Variants in TENM2 observed in about 807,000 individuals in gnomAD.
TENM2 encodes teneurin-2.
In TENM2, 52 loss-of-function variants were observed where a neutral mutation model predicts 245.2. The observed-to-expected ratio is 0.21, with a 90% confidence interval of 0.17 to 0.27. TENM2 has a LOEUF of 0.27. Among genes scored for constraint, TENM2 ranks in the 10% least tolerant of loss-of-function variants. The probability of loss-of-function intolerance (pLI) is 1.00; values close to 1 mark genes in which losing one functional copy is unlikely to be tolerated. For missense variants in TENM2, 3,046 were observed against 3,666.8 expected (o/e 0.83, Z 4.37); for synonymous variants, 1,363 against 1,438.9 (o/e 0.95, Z 1.19).
chr5:167,475,595 C>T (rs1767319957), intron 2 of TENM2, among the ~76,000 whole-genome samples: 1 of 152,060 alleles, frequency 6.6e-6, no homozygotes, highest in Non-Finnish European at 1.5e-5. Context: ...ATCATCTAGG[C>T]TTTAAGCCCC....
At chr5:167,360,128 T>C (rs978509285) in intron 1 of TENM2, among the ~76,000 whole-genome samples, 1 of 152,170 alleles carries the variant, frequency 6.6e-6, no homozygotes, top group Non-Finnish European at 1.5e-5. Context: ...GATACAAGTT[T>C]ACTCAAACAA....
At chr5:168,110,683 A>G (rs977096143) in intron 9 of TENM2, among the ~76,000 whole-genome samples, 1 of 152,208 alleles carries the variant, frequency 6.6e-6, no homozygotes, top group Non-Finnish European at 1.5e-5. Flanking sequence ...TCCAATTACA[A>G]CAAAAGCGTA....
At chr5:168,190,659 C>A (rs533212786) in intron 14 of TENM2, 112 bp downstream of exon 16, 6 of 891,034 alleles carry the variant, frequency 6.7e-6, no homozygotes, top group Admixed American at 2.4e-5. Context: ...AATCTGCCCC[C>A]CTAGAGGCAG....
chr5:167,151,768 C>T, the TENM2 span, among the ~76,000 whole-genome samples: 2 of 152,176 alleles, frequency 1.3e-5, no homozygotes, highest in African/African-American at 2.4e-5. Flanking sequence ...CCACCCGCCT[C>T]GGCCTCCCAA....
rs144198300 is a variant in TENM2, at chr5:167,764,882, C to T, written c.503-111104C>T. Among the ~76,000 whole-genome samples, 23 of 152,244 alleles carry T rather than the reference C, an allele frequency of 1.5e-4. 1 individual carries two copies. In the East Asian group the frequency reaches 2.7e-3, roughly 18 times the overall value. ...CTATGCTGATGAACTGCTCAGCTAC[C>T]TGAGCAAATGTTCCAGAGAGATCTC... On this transcript the variant is annotated intron_variant, in intron 2 of 28. Transcript: ENST00000518659.
intron 5 of TENM2, among the ~76,000 whole-genome samples, chr5:168,004,509 GCGCGCGCGCACACACACA>G (rs1362725918): frequency 0.017 from 1,889 of 113,386 alleles, 42 homozygotes; most frequent in African/African-American, 0.062. Flanking sequence ...GCACGCATGC[GCGCGCGCGCACACACACA>G]CACACACACA....
chr5:167,106,642 G>A, the TENM2 span, among the ~76,000 whole-genome samples: 2 of 152,188 alleles, frequency 1.3e-5, no homozygotes, highest in Non-Finnish European at 2.9e-5. Flanking sequence ...TGGTGGTGGT[G>A]TGAAATGCAC....
chr5:167,572,746 T>G (rs1233324956), intron 2 of TENM2, among the ~76,000 whole-genome samples: 1 of 152,186 alleles, frequency 6.6e-6, no homozygotes, highest in Non-Finnish European at 1.5e-5. Flanking sequence ...GGGAAATCAT[T>G]TCTTTTCGAC....
intron 2 of TENM2, among the ~76,000 whole-genome samples, chr5:167,576,858 A>C (rs1333114064): frequency 6.6e-6 from 1 of 152,212 alleles, no homozygotes; most frequent in East Asian, 1.9e-4. Context: ...AAAACAATCG[A>C]AAACCTACAT....
intron 1 of TENM2, among the ~76,000 whole-genome samples, chr5:167,292,418 C>CCACAT (rs1356789553): frequency 2.0e-5 from 3 of 152,146 alleles, no homozygotes; most frequent in Non-Finnish European, 2.9e-5. Flanking sequence ...TTGATGTTTA[C>CCACAT]CACATCACAC....
intron 1 of TENM2, among the ~76,000 whole-genome samples, chr5:167,338,579 G>T (rs1757912045): frequency 6.6e-6 from 1 of 152,090 alleles, no homozygotes; most frequent in African/African-American, 2.4e-5. Context: ...TATATCACGT[G>T]GTTTTCCCTT....
At chr5:167,576,651 T>G (rs924775925) in intron 2 of TENM2, among the ~76,000 whole-genome samples, 1 of 152,170 alleles carries the variant, frequency 6.6e-6, no homozygotes, top group Non-Finnish European at 1.5e-5. Context: ...CATGCAAATA[T>G]GATGTCAGAG....
At chr5:168,225,498 C>T (rs1183078378) in intron 23 of TENM2, among the ~76,000 whole-genome samples, 4 of 152,196 alleles carry the variant, frequency 2.6e-5, no homozygotes, top group Non-Finnish European at 4.4e-5. Context: ...GCGTGGCTCA[C>T]GCCTGTAATT....
chr5:167,141,355 AT>A, the TENM2 span, among the ~76,000 whole-genome samples: 2 of 152,042 alleles, frequency 1.3e-5, no homozygotes, highest in Non-Finnish European at 2.9e-5. Flanking sequence ...GGGCTTTAAT[AT>A]TTTTTTCACC....
chr5:167,156,862 A>G, the TENM2 span, among the ~76,000 whole-genome samples: 1 of 152,212 alleles, frequency 6.6e-6, no homozygotes, highest in African/African-American at 2.4e-5. Flanking sequence ...TGTTTCTGAA[A>G]TATCGACATG....
chr5:167,079,359 G>A, the TENM2 span, among the ~76,000 whole-genome samples: 62,961 of 149,050 alleles, frequency 0.42, 13,830 homozygotes, highest in African/African-American at 0.48. Flanking sequence ...TGTTGCCCAG[G>A]CTGGAGTGCA....
At chr5:167,927,735 T>C (rs1279411232) in intron 3 of TENM2, among the ~76,000 whole-genome samples, 1 of 152,138 alleles carries the variant, frequency 6.6e-6, no homozygotes, top group East Asian at 1.9e-4. Flanking sequence ...GTGAGGGGAC[T>C]CATTAGCTGG....
chr5:168,014,618 T>C (rs555370959), intron 5 of TENM2, among the ~76,000 whole-genome samples: 2 of 152,364 alleles, frequency 1.3e-5, no homozygotes, highest in African/African-American at 4.8e-5. Context: ...GCACTAGGCG[T>C]AATGGTTTCC....
At chr5:167,348,072 G>C (rs1758578230) in intron 1 of TENM2, among the ~76,000 whole-genome samples, 1 of 152,194 alleles carries the variant, frequency 6.6e-6, no homozygotes, top group Non-Finnish European at 1.5e-5. Flanking sequence ...AACTGGACTA[G>C]ACGGCGTGTT....
Sources: allele counts gnomAD v4.1 joint callset (sites outside exome capture counted in the v4.1 genomes callset), GRCh38; gene constraint gnomAD v4.1.1; transcripts MANE v1.5; gene names NCBI Gene and HGNC (gene_info 2026-07-23, HGNC 2026-07-21).